Variants in IL23R observed in about 807,000 individuals in gnomAD.
IL23R encodes interleukin-23 receptor.
A neutral mutation model predicts 56.9 loss-of-function variants in IL23R; 34 were observed. The observed-to-expected ratio is 0.60, with a 90% confidence interval of 0.45 to 0.80. IL23R has a LOEUF of 0.80. Among genes scored for constraint, IL23R ranks in the 30% least tolerant of loss-of-function variants. The pLI is 0.00. For synonymous variants in IL23R, 230 were observed against 249.2 expected (o/e 0.92, Z 0.73); for missense variants, 635 against 730.0 (o/e 0.87, Z 1.50).
At chr1:67,207,084 A>G in intron 6 of IL23R, 29 bp downstream of exon 6, 1 of 1,609,408 alleles carries the variant, frequency 6.2e-7, no homozygotes, top group Non-Finnish European at 8.5e-7. Context: ...ATGCTTTAGC[A>G]TGTGAATGAA....
Position 67,169,607 on chromosome 1 carries a change from A to G in IL23R, c.336A>G (p.Thr112=). Residue 112 remains threonine, a synonymous_variant, in exon 3 of 11, where the codon ACA becomes ACG. Transcript: ENST00000347310. ...AATGTCCCAAACATTTTCAAGAGAC[A>G]CTGATATGTGGAAAAGACATTTCTT... ...TAECPKHFQE[T]LICGKDISSG... 6.2e-7 allele frequency: 1 copy of G among 1,614,190 alleles called. No individual in the cohort carries two copies. Among genetic ancestry groups the G allele is most frequent in the Non-Finnish European group, 8.5e-7 (1 of 1,180,004 alleles).
intron 8 of IL23R, among the ~76,000 whole-genome samples, chr1:67,239,321 C>G (rs11465814): frequency 5.9e-5 from 9 of 152,132 alleles, no homozygotes; most frequent in Non-Finnish European, 1.2e-4. Context: ...TGGAGTGCAG[C>G]GGCACGACCT....
chr1:67,161,422 A>AAATCAT (rs1302124153), intron 1 of IL23R, among the ~76,000 whole-genome samples: 4 of 152,114 alleles, frequency 2.6e-5, no homozygotes, highest in African/African-American at 9.7e-5. Flanking sequence ...AGGAAGAAAA[A>AAATCAT]AATCATAATT....
At chr1:67,172,770 G>A (rs1411883994) in intron 3 of IL23R, among the ~76,000 whole-genome samples, 1 of 152,064 alleles carries the variant, frequency 6.6e-6, no homozygotes, top group South Asian at 2.1e-4. Flanking sequence ...GTATGATTAC[G>A]GAACAATTAG....
intron 4 of IL23R, among the ~76,000 whole-genome samples, chr1:67,189,774 C>CA (rs1327747571): frequency 1.3e-5 from 2 of 151,942 alleles, no homozygotes; most frequent in African/African-American, 2.4e-5. Context: ...GCGAAAAATA[C>CA]AAAAAATATA....
intron 1 of IL23R, among the ~76,000 whole-genome samples, chr1:67,139,370 G>A (rs897709234): frequency 1.3e-5 from 2 of 152,120 alleles, no homozygotes; most frequent in Admixed American, 6.5e-5. Context: ...CAAAAAGCAG[G>A]TACATGAAAC....
upstream of IL23R, among the ~76,000 whole-genome samples, chr1:67,162,435 C>G (rs753121490): frequency 6.6e-6 from 1 of 151,776 alleles, no homozygotes; most frequent in South Asian, 2.1e-4. Context: ...TGCAGTGAGC[C>G]GAGATCGCGC....
intron 6 of IL23R, among the ~76,000 whole-genome samples, chr1:67,218,273 T>C (rs1028053729): frequency 1.3e-4 from 7 of 54,012 alleles, no homozygotes; most frequent in African/African-American, 6.7e-4. Context: ...CACATACACA[T>C]ATATATATAT....
rs577991035 is a variant in IL23R, at chr1:67,249,231, A to C, written c.1149-6606A>C. The stretch of plus-strand genomic sequence containing the variant: ...ACTTTGGTTAGCAGTCTTATAAACC[A>C]GTTAGTCTTTTTATTAAAGTTTTAG... On this transcript the variant is annotated intron_variant, in intron 9 of 10. Transcript: ENST00000347310. 2.0e-5 allele frequency among the ~76,000 whole-genome samples: 3 copies of C among 152,348 alleles called. No homozygotes were observed. The South Asian group carries it at 6.2e-4, about 32-fold the overall frequency.
intron 5 of IL23R, among the ~76,000 whole-genome samples, chr1:67,206,045 C>A (rs1042098488): frequency 1.3e-5 from 2 of 151,030 alleles, no homozygotes; most frequent in African/African-American, 4.9e-5. Flanking sequence ...CAGAGTCTCG[C>A]TCCGCCACCC....
At position 67,160,416 on chromosome 1, in the gene IL23R, T is replaced by C. The variant is rs185086775; in HGVS notation, c.-633-7676T>C. On this transcript the variant is annotated intron_variant, in intron 1 of 10. Coordinates refer to the IL23R transcript ENST00000637002. ...GAATTGTAAAAACCACTGAAGACCA[T>C]TGGCTTCTATGCAGATGGGTCCTCA... 6.6e-5 allele frequency among the ~76,000 whole-genome samples: 10 copies of C among 152,326 alleles called. No individual in the cohort carries two copies. In the East Asian group the frequency reaches 1.5e-3, roughly 23 times the overall value.
intron 1 of IL23R, among the ~76,000 whole-genome samples, chr1:67,148,817 G>C (rs1262082650): frequency 6.6e-6 from 1 of 152,154 alleles, no homozygotes; most frequent in Non-Finnish European, 1.5e-5. Flanking sequence ...GGCAGTAGCA[G>C]CAGTGTTAGA....
intron 4 of IL23R, among the ~76,000 whole-genome samples, chr1:67,194,601 C>A (rs1433128669): frequency 1.3e-5 from 2 of 152,244 alleles, no homozygotes; most frequent in African/African-American, 4.8e-5. Flanking sequence ...ACTTTAAAAG[C>A]AGAATTAAAT....
chr1:67,171,006 G>A (rs769945058), intron 3 of IL23R, among the ~76,000 whole-genome samples: 1 of 152,210 alleles, frequency 6.6e-6, no homozygotes, highest in South Asian at 2.1e-4. Context: ...ATGCCTTAAA[G>A]CTGCTAAACT....
At position 67,206,905 on chromosome 1, in the gene IL23R, T is replaced by TC. The variant is rs5774857; in HGVS notation, c.653-4dup. Reference sequence around the variant, plus strand: ...AGGTCTTTTTTTTTTTTTTTTTTTTTCTAGTGATACCTTCTGCAGCCGTCA... The same window carrying TC: ...AGGTCTTTTTTTTTTTTTTTTTTTTTCCTAGTGATACCTTCTGCAGCCGTCA... On this transcript the variant is annotated splice_region_variant and splice_polypyrimidine_tract_variant and intron_variant, in intron 5 of 10. Coordinates refer to ENST00000347310, the MANE Select transcript of IL23R (RefSeq NM_144701.3). 7.2e-6 allele frequency: 11 copies of TC among 1,528,966 alleles called. No individual in the cohort carries two copies. Among genetic ancestry groups the TC allele is most frequent in the East Asian group, 2.4e-5 (1 of 41,130 alleles). 94.7% of individuals were successfully genotyped at this position (1,528,966 alleles called of 1,614,324 possible). A position where few individuals can be genotyped will look rare whatever the true frequency, so the allele number is the denominator to read the frequency against.
intron 1 of IL23R, among the ~76,000 whole-genome samples, chr1:67,143,250 G>C (rs1646654117): frequency 2.0e-5 from 3 of 152,114 alleles, no homozygotes; most frequent in Admixed American, 2.0e-4. Context: ...CATAGTGCTG[G>C]GGAGGATTTT....
At chr1:67,178,657 T>C (rs1261916165) in intron 3 of IL23R, among the ~76,000 whole-genome samples, 2 of 152,214 alleles carry the variant, frequency 1.3e-5, no homozygotes, top group Non-Finnish European at 2.9e-5. Context: ...AACACTATGT[T>C]GAATAGGAGT....
Position 67,156,318 on chromosome 1 carries a change from T to C in IL23R, c.-633-11774T>C, listed in dbSNP as rs144951379. 3.7e-3 allele frequency among the ~76,000 whole-genome samples: 559 copies of C among 152,310 alleles called. 4 individuals are homozygous for C. Among genetic ancestry groups the C allele is most frequent in the African/African-American group, 0.013 (538 of 41,564 alleles). On this transcript the variant is annotated intron_variant, in intron 1 of 10. Coordinates refer to the IL23R transcript ENST00000637002. ...GTCTGTCCCTCAGCAAAGCTGGTGC[T>C]CTGTGCTGGGAGAATTCCTTTTGTC...
At chr1:67,161,710 C>T (rs1211287785), upstream of IL23R, among the ~76,000 whole-genome samples, 1 of 152,014 alleles carries the variant, frequency 6.6e-6, no homozygotes, top group African/African-American at 2.4e-5. Flanking sequence ...TCACTGCAAA[C>T]TCCGACTCCC....
Sources: gnomAD v4.1 joint callset for allele counts (sites outside exome capture counted in the v4.1 genomes callset) on GRCh38, gnomAD v4.1.1 for gene constraint, MANE v1.5 for transcripts, NCBI Gene and HGNC (gene_info 2026-07-23, HGNC 2026-07-21) for gene names.